Variants in HES1 observed in about 807,000 individuals in gnomAD.
HES1 encodes hes family bHLH transcription factor 1.
A neutral mutation model predicts 21.0 loss-of-function variants in HES1; 7 were observed. The ratio of observed to expected loss-of-function variants is 0.33; its 90% CI spans 0.19 to 0.63. The LOEUF (loss-of-function observed/expected upper bound fraction) is 0.63. Ranked by LOEUF, HES1 falls within the 20% of genes least tolerant of loss-of-function variation. HES1 has a pLI of 0.78. For missense variants in HES1, 338 were observed against 389.8 expected (o/e 0.87, Z 1.12); for synonymous variants, 169 against 171.2 (o/e 0.99, Z 0.10).
Position 194,136,261 on chromosome 3 carries a change from A to C in HES1, c.-120A>C, listed in dbSNP as rs112770159. ...TAGCCACAAAATATAATAAACCCTCAGCACTTGCTCAGTAGTTTTGTGAAA... is the reference window on the plus strand; with the variant it reads ...TAGCCACAAAATATAATAAACCCTCCGCACTTGCTCAGTAGTTTTGTGAAA... On this transcript the variant is annotated 5_prime_UTR_variant, in exon 1 of 4. Transcript: ENST00000232424. The C allele has an allele frequency of 1.4e-5, 9 of 649,974 alleles. No individual in the cohort carries two copies. Among genetic ancestry groups the C allele is most frequent in the Middle Eastern group, 7.1e-4 (2 of 2,828 alleles). 40.3% of individuals were successfully genotyped at this position (649,974 alleles called of 1,614,324 possible). A position where few individuals can be genotyped will look rare whatever the true frequency, so the allele number is the denominator to read the frequency against.
rs1246325834 is a variant in HES1 at position 194,136,893 on chromosome 3, G to A, written c.205-68G>A. The A allele has an allele frequency of 2.7e-6, 4 of 1,495,706 alleles. No homozygotes were observed. The South Asian group carries it at 4.5e-5, about 17-fold the overall frequency. 92.7% of individuals were successfully genotyped at this position (1,495,706 alleles called of 1,614,324 possible). On this transcript the variant is annotated intron_variant, in intron 2 of 3. Transcript: ENST00000232424. ...AATGCTTGCGCTCCGTGGCCGGGAG[G>A]AGGGACCCCCAGCACTCTGAAGCAG...
Position 194,137,722 on chromosome 3 carries a change from G to A in HES1, c.332G>A (p.Arg111Gln), listed in dbSNP as rs373745774. 4 of 1,613,444 alleles carry A rather than the reference G, an allele frequency of 2.5e-6. No individual in the cohort carries two copies. The highest frequency in any genetic ancestry group is 1.7e-5 in the Admixed American group (1 of 59,988). The change falls in exon 4 of 4, where the codon CGA becomes CAA. Residue 111 changes from arginine to glutamine, a missense_variant. Physicochemically the swap from Arg to Gln is conservative, Grantham distance 43. Coordinates refer to ENST00000232424, the MANE Select transcript of HES1 (RefSeq NM_005524.4). The surrounding 1 kb of genome is among the most constrained non-coding windows in gnomAD (Gnocchi z 5.4). ...STDPSVLGKY[R>Q]AGFSECMNEV... ...GACCCAAGTGTGCTGGGGAAGTACCGAGCCGGCTTCAGCGAGTGCATGAAC... is the reference window on the plus strand; with the variant it reads ...GACCCAAGTGTGCTGGGGAAGTACCAAGCCGGCTTCAGCGAGTGCATGAAC...
rs1007042618 is a variant in HES1 at position 194,138,620 on chromosome 3, G to A, written c.*387G>A. ...AAAAAGTAAAGGCTTTTATGTCTTC[G>A]AACTGATTCTTCCAGAATATGTAAA... On this transcript the variant is annotated 3_prime_UTR_variant, in exon 4 of 4. Transcript: ENST00000232424. 1.2e-5 allele frequency: 2 copies of A among 163,460 alleles called. No homozygotes were observed. The highest frequency in any genetic ancestry group is 2.6e-5 in the Non-Finnish European group (2 of 75,960). 10.1% of individuals were successfully genotyped at this position (163,460 alleles called of 1,614,324 possible). A position where few individuals can be genotyped will look rare whatever the true frequency, so the allele number is the denominator to read the frequency against.
rs142811204 is a variant in HES1, at chr3:194,138,391, G to C, written c.*158G>C. 2.9e-6 allele frequency: 2 copies of C among 691,410 alleles called. No individual in the cohort carries two copies. The highest frequency in any genetic ancestry group is 4.4e-6 in the Non-Finnish European group (2 of 451,148). The allele number at this position is 691,410 out of a possible 1,614,324, so 42.8% of individuals were successfully genotyped here. A position where few individuals can be genotyped will look rare whatever the true frequency, so the allele number is the denominator to read the frequency against. On this transcript the variant is annotated 3_prime_UTR_variant, in exon 4 of 4. Coordinates refer to ENST00000232424, the MANE Select transcript of HES1 (RefSeq NM_005524.4). ...TCTAAGAAGTTACTTTTTGTAGAGA[G>C]AGCTGTATTAAGTGACTGACCATGC...
chr3:194,136,594 AGAACTCTT>A lies in HES1; in HGVS notation c.109-22_109-15del, dbSNP rs1207516642. ...GGGATGGCAGATTCCATGGGAACAC[AGAACTCTT>A]TTTTTTATTTGCAGTCATCAAAGCC... On this transcript the variant is annotated splice_polypyrimidine_tract_variant and intron_variant, in intron 1 of 3. Coordinates refer to ENST00000232424, the MANE Select transcript of HES1 (RefSeq NM_005524.4). 6.3e-7 allele frequency: 1 copy of A among 1,595,896 alleles called. No individual in the cohort carries two copies.
rs781005681 is a variant in HES1, at chr3:194,137,647, C to G, written c.293-36C>G. The G allele has an allele frequency of 1.3e-6, 2 of 1,544,326 alleles. No individual in the cohort carries two copies. The highest frequency in any genetic ancestry group is 3.5e-5 in the Admixed American group (2 of 56,580). ...GAGGCAGTGGCCACGGGGCCAGGGC[C>G]GTTCGGTGACCCGTCTGTCTCTTTC... On this transcript the variant is annotated intron_variant, in intron 3 of 3. Coordinates refer to ENST00000232424, the MANE Select transcript of HES1 (RefSeq NM_005524.4). This position sits in a 1 kb window ranked among gnomAD's most constrained non-coding sequence, Gnocchi z 5.4.
chr3:194,138,259 A>G lies in HES1; in HGVS notation c.*26A>G. On this transcript the variant is annotated 3_prime_UTR_variant, in exon 4 of 4. Coordinates refer to ENST00000232424, the MANE Select transcript of HES1 (RefSeq NM_005524.4). ...GGGGGCTCAGGCCACCCCTCCTCCT[A>G]AACTCCCCAACCCACCTCTCTTCCC... 6.6e-7 allele frequency: 1 copy of G among 1,518,612 alleles called. No homozygotes were observed. Among genetic ancestry groups the G allele is most frequent in the Non-Finnish European group, 8.8e-7 (1 of 1,133,460 alleles). 94.1% of individuals were successfully genotyped at this position (1,518,612 alleles called of 1,614,324 possible). A position where few individuals can be genotyped will look rare whatever the true frequency, so the allele number is the denominator to read the frequency against.
In HES1 at chr3:194,136,949, T is replaced by G. The variant is rs1328523830; in HGVS notation, c.205-12T>G. On this transcript the variant is annotated splice_polypyrimidine_tract_variant and intron_variant, in intron 2 of 3. Transcript: ENST00000232424. ...ACGGGGCTCACTTTCCTTTCTTGCC[T>G]ACTCTATGCAGAGCTCGCGGCATTC... is the stretch of plus-strand genomic sequence containing the variant. 6.2e-7 allele frequency: 1 copy of G among 1,613,368 alleles called. No individual in the cohort carries two copies. Among genetic ancestry groups the G allele is most frequent in the African/African-American group, 1.3e-5 (1 of 74,928 alleles).
In HES1 at chr3:194,136,358, AT is replaced by A; in HGVS notation, c.-22del. 1.5e-6 allele frequency: 2 copies of A among 1,321,018 alleles called. No homozygotes were observed. The highest frequency in any genetic ancestry group is 2.0e-6 in the Non-Finnish European group (2 of 980,130). The allele number at this position is 1,321,018 out of a possible 1,614,324, so 81.8% of individuals were successfully genotyped here. A position where few individuals can be genotyped will look rare whatever the true frequency, so the allele number is the denominator to read the frequency against. ...ACTCCAAAAATAAAATTCTCTAGAG[AT>A]AAAAAAAAAAAAAAAAGGAAAATGC... On this transcript the variant is annotated 5_prime_UTR_variant, in exon 1 of 4. Transcript: ENST00000232424.
Position 194,136,247 on chromosome 3 carries a change from T to C in HES1, c.-134T>C. On this transcript the variant is annotated 5_prime_UTR_variant, in exon 1 of 4. Coordinates refer to ENST00000232424, the MANE Select transcript of HES1 (RefSeq NM_005524.4). The stretch of plus-strand genomic sequence containing the variant: ...TACTGATCACCAAGTAGCCACAAAA[T>C]ATAATAAACCCTCAGCACTTGCTCA... 1.6e-6 allele frequency: 1 copy of C among 626,812 alleles called. No homozygotes were observed. The highest frequency in any genetic ancestry group is 2.8e-5 in the East Asian group (1 of 36,148). 38.8% of individuals were successfully genotyped at this position (626,812 alleles called of 1,614,324 possible). A position where few individuals can be genotyped will look rare whatever the true frequency, so the allele number is the denominator to read the frequency against.
chr3:194,137,253 G>A lies in HES1; in HGVS notation c.292+205G>A, dbSNP rs1715367335. ...CGGAAAGGGAGGGAAAGAGGTTGCAGCCGCGAGGGTGGCGGGCGCCGGGTA... is the reference window on the plus strand; with the variant it reads ...CGGAAAGGGAGGGAAAGAGGTTGCAACCGCGAGGGTGGCGGGCGCCGGGTA... On this transcript the variant is annotated intron_variant, in intron 3 of 3. Coordinates refer to ENST00000232424, the MANE Select transcript of HES1 (RefSeq NM_005524.4). The surrounding 1 kb of genome is among the most constrained non-coding windows in gnomAD (Gnocchi z 5.4). 2 of 620,920 alleles carry A rather than the reference G, an allele frequency of 3.2e-6. No homozygotes were observed. Among genetic ancestry groups the A allele is most frequent in the African/African-American group, 1.8e-5 (1 of 54,184 alleles). 38.5% of individuals were successfully genotyped at this position (620,920 alleles called of 1,614,324 possible).
chr3:194,138,394 C>A lies in HES1; in HGVS notation c.*161C>A. The A allele has an allele frequency of 1.5e-6, 1 of 651,632 alleles. No individual in the cohort carries two copies. Among genetic ancestry groups the A allele is most frequent in the Non-Finnish European group, 2.4e-6 (1 of 417,478 alleles). The allele number at this position is 651,632 out of a possible 1,614,324, so 40.4% of individuals were successfully genotyped here. ...AAGAAGTTACTTTTTGTAGAGAGAG[C>A]TGTATTAAGTGACTGACCATGCACT... On this transcript the variant is annotated 3_prime_UTR_variant, in exon 4 of 4. Transcript: ENST00000232424.
At position 194,138,274 on chromosome 3, in the gene HES1, CCT is replaced by C. The variant is rs778900204; in HGVS notation, c.*46_*47del. ...CCCTCCTCCTAAACTCCCCAACCCACCTCTCTTCCCTCCGGACTCTAAACAGG... is the reference window on the plus strand; with the variant it reads ...CCCTCCTCCTAAACTCCCCAACCCACCTCTTCCCTCCGGACTCTAAACAGG... On this transcript the variant is annotated 3_prime_UTR_variant, in exon 4 of 4. Coordinates refer to ENST00000232424, the MANE Select transcript of HES1 (RefSeq NM_005524.4). The C allele has an allele frequency of 6.8e-7, 1 of 1,473,238 alleles. No homozygotes were observed. The allele number at this position is 1,473,238 out of a possible 1,614,324, so 91.3% of individuals were successfully genotyped here. A position where few individuals can be genotyped will look rare whatever the true frequency, so the allele number is the denominator to read the frequency against.
intron 2 of HES1, 98 bp downstream of exon 2, chr3:194,136,810 C>A: frequency 1.5e-6 from 2 of 1,378,344 alleles, no homozygotes; most frequent in Non-Finnish European, 2.1e-6. Context: ...CTGGCACTCG[C>A]TGGTACTGCG....
At position 194,138,197 on chromosome 3, in the gene HES1, T is replaced by C. The variant is rs1389544591; in HGVS notation, c.807T>C (p.Leu269=). The change falls in exon 4 of 4, where the codon CTT becomes CTC. Residue 269 remains leucine (L), a synonymous_variant. Transcript: ENST00000232424. ...NAVSPSSGPS[L]TADSMWRPWR... Reference sequence around the variant, plus strand: ...TGTCACCTTCCAGCGGCCCCTCGCTTACGGCGGACTCCATGTGGAGGCCGT... The same window carrying C: ...TGTCACCTTCCAGCGGCCCCTCGCTCACGGCGGACTCCATGTGGAGGCCGT... 1.9e-6 allele frequency: 3 copies of C among 1,595,542 alleles called. No individual in the cohort carries two copies. Among genetic ancestry groups the C allele is most frequent in the Admixed American group, 1.7e-5 (1 of 57,846 alleles).
chr3:194,138,165 A>G lies in HES1; in HGVS notation c.775A>G (p.Asn259Asp). 6.2e-7 allele frequency: 1 copy of G among 1,611,874 alleles called. No homozygotes were observed. The highest frequency in any genetic ancestry group is 8.5e-7 in the Non-Finnish European group (1 of 1,179,246). ...TSNSGTSVGPNAVSPSSGPSL... is the reference protein window; with the variant it reads ...TSNSGTSVGPDAVSPSSGPSL... Reference sequence around the variant, plus strand: ...CAACAGCGGCACCTCCGTGGGCCCCAACGCAGTGTCACCTTCCAGCGGCCC... The same window carrying G: ...CAACAGCGGCACCTCCGTGGGCCCCGACGCAGTGTCACCTTCCAGCGGCCC... The change falls in exon 4 of 4, where the codon AAC becomes GAC. Residue 259 changes from asparagine (N) to aspartate (D), a missense_variant. Asn to Asp is a conservative substitution (Grantham distance 23, BLOSUM62 1). Coordinates refer to ENST00000232424, the MANE Select transcript of HES1 (RefSeq NM_005524.4).
chr3:194,137,978 C>T lies in HES1; in HGVS notation c.588C>T (p.Pro196=). 1 of 1,405,430 alleles carries T rather than the reference C, an allele frequency of 7.1e-7. No individual in the cohort carries two copies. The highest frequency in any genetic ancestry group is 2.7e-5 in the Admixed American group (1 of 37,372). 87.1% of individuals were successfully genotyped at this position (1,405,430 alleles called of 1,614,324 possible). A position where few individuals can be genotyped will look rare whatever the true frequency, so the allele number is the denominator to read the frequency against. The change falls in exon 4 of 4, where the codon CCC becomes CCT. Residue 196 remains proline, a synonymous_variant. Transcript: ENST00000232424. This position sits in a 1 kb window ranked among gnomAD's most constrained non-coding sequence, Gnocchi z 5.4. ...TGCCCATCCCCGGGGGCGCGGCGCCCCCTCCCGGCGGCGCCCCCTGCAAGC... is the reference window on the plus strand; with the variant it reads ...TGCCCATCCCCGGGGGCGCGGCGCCTCCTCCCGGCGGCGCCCCCTGCAAGC... ...PLVPIPGGAA[P]PPGGAPCKLG...
Position 194,137,290 on chromosome 3 carries a change from A to T in HES1, c.292+242A>T, listed in dbSNP as rs541228886. ...GCGGGCGCCGGGTAGGGGCGAAAGG[A>T]CTTAGGACTGTGGCGGTTTGGAACT... is the stretch of plus-strand genomic sequence containing the variant. On this transcript the variant is annotated intron_variant, in intron 3 of 3. Transcript: ENST00000232424. This position sits in a 1 kb window ranked among gnomAD's most constrained non-coding sequence, Gnocchi z 5.4. 3 of 596,456 alleles carry T rather than the reference A, an allele frequency of 5.0e-6. No individual in the cohort carries two copies. The African/African-American group carries it at 5.6e-5, about 11-fold the overall frequency. 36.9% of individuals were successfully genotyped at this position (596,456 alleles called of 1,614,324 possible).
rs1235891720 is a variant in HES1, at chr3:194,137,951, C to A, written c.561C>A (p.Leu187=). The change falls in exon 4 of 4, where the codon CTC becomes CTA. Residue 187 remains leucine (L), a synonymous_variant. Coordinates refer to ENST00000232424, the MANE Select transcript of HES1 (RefSeq NM_005524.4). This position sits in a 1 kb window ranked among gnomAD's most constrained non-coding sequence, Gnocchi z 5.4. ...QHAPFAPPPP[L]VPIPGGAAPP... is the part of the protein sequence containing the mutation. ...CGCCGTTCGCGCCGCCGCCGCCACT[C>A]GTGCCCATCCCCGGGGGCGCGGCGC... 3.0e-6 allele frequency: 4 copies of A among 1,337,392 alleles called. No homozygotes were observed. In the East Asian group the frequency reaches 9.2e-5, roughly 31 times the overall value. The allele number at this position is 1,337,392 out of a possible 1,614,324, so 82.8% of individuals were successfully genotyped here.
Sources: allele counts gnomAD v4.1 joint callset, GRCh38; gene constraint gnomAD v4.1.1; non-coding constraint Gnocchi (gnomAD v3.1); transcripts MANE v1.5; gene names NCBI Gene and HGNC (gene_info 2026-07-23, HGNC 2026-07-21).